The following SLC24A2 variants were observed in gnomAD, a reference collection of about 807,000 sequenced individuals.
SLC24A2 encodes solute carrier family 24 member 2.
A neutral mutation model predicts 62.0 loss-of-function variants in SLC24A2; 36 were observed. That is an observed-to-expected ratio of 0.58 (90% confidence interval 0.44 to 0.77). SLC24A2 has a LOEUF of 0.77. SLC24A2 is among the 30% of genes least tolerant of loss of function. The probability of loss-of-function intolerance (pLI) is 0.00; values close to 1 mark genes in which losing one functional copy is unlikely to be tolerated. For missense variants in SLC24A2, 846 were observed against 817.9 expected, an observed-to-expected ratio of 1.03 and a Z score of -0.42; for synonymous variants, 358 against 294.0, an observed-to-expected ratio of 1.22 and a Z score of -2.23.
chr9:19,861,736 T>C, the SLC24A2 span, among the ~76,000 whole-genome samples: 1 of 151,826 alleles, frequency 6.6e-6, no homozygotes, highest in African/African-American at 2.4e-5. Flanking sequence ...AACAAAGAAA[T>C]TGAAATAATT....
the SLC24A2 span, among the ~76,000 whole-genome samples, chr9:19,824,628 T>C: frequency 1.3e-5 from 2 of 152,178 alleles, no homozygotes; most frequent in Non-Finnish European, 2.9e-5. Flanking sequence ...CTCAAGGATC[T>C]GGAACTAGAA....
the SLC24A2 span, among the ~76,000 whole-genome samples, chr9:19,962,626 T>C: frequency 5.0e-3 from 757 of 152,330 alleles, 2 homozygotes; most frequent in Middle Eastern, 0.01. Context: ...TTTGAAGCAA[T>C]TGTGAATGGG....
chr9:20,064,000 C>T, the SLC24A2 span, among the ~76,000 whole-genome samples: 1 of 152,142 alleles, frequency 6.6e-6, no homozygotes, highest in Non-Finnish European at 1.5e-5. Flanking sequence ...GAAATAAAAA[C>T]ATATGCACAA....
the SLC24A2 span, among the ~76,000 whole-genome samples, chr9:20,159,791 C>T: frequency 1.2e-4 from 18 of 151,218 alleles, no homozygotes; most frequent in African/African-American, 4.1e-4. Flanking sequence ...ACAAATGTAA[C>T]AAAAATACAA....
chr9:19,663,403 G>C (rs911065695), intron 2 of SLC24A2, among the ~76,000 whole-genome samples: 12 of 152,178 alleles, frequency 7.9e-5, no homozygotes, highest in Admixed American at 1.3e-4. Context: ...TCATGGGAGA[G>C]AGCACAATGC....
chr9:19,997,341 T>C, the SLC24A2 span, among the ~76,000 whole-genome samples: 4,716 of 152,316 alleles, frequency 0.031, 251 homozygotes, highest in African/African-American at 0.11. Context: ...TTAAGCTTTA[T>C]GTCACCTCAA....
chr9:20,109,717 T>G, the SLC24A2 span, among the ~76,000 whole-genome samples: 2 of 152,176 alleles, frequency 1.3e-5, no homozygotes, highest in African/African-American at 2.4e-5. Flanking sequence ...TTGCTTTGGA[T>G]CCCTTCATGG....
At chr9:20,016,945 T>C in the SLC24A2 span, among the ~76,000 whole-genome samples, 7 of 152,250 alleles carry the variant, frequency 4.6e-5, no homozygotes, top group African/African-American at 1.7e-4. Flanking sequence ...ACAAACACTA[T>C]TTTAATTAAA....
intron 8 of SLC24A2, among the ~76,000 whole-genome samples, chr9:19,529,710 A>G (rs1586898636): frequency 1.3e-5 from 2 of 151,588 alleles, no homozygotes; most frequent in African/African-American, 2.4e-5. Context: ...TGGGGGAAAT[A>G]AAAAGGTAAT....
intron 2 of SLC24A2, among the ~76,000 whole-genome samples, chr9:19,723,333 C>T (rs1821081480): frequency 6.6e-6 from 1 of 151,782 alleles, no homozygotes; most frequent in Admixed American, 6.6e-5. Flanking sequence ...TTTCATATTT[C>T]TGCTAACAAT....
At chr9:20,113,082 T>G in the SLC24A2 span, among the ~76,000 whole-genome samples, 5 of 152,060 alleles carry the variant, frequency 3.3e-5, no homozygotes, top group African/African-American at 1.2e-4. Flanking sequence ...CTCAGAGTTT[T>G]GGGGCATAGA....
At chr9:19,818,858 A>C in the SLC24A2 span, among the ~76,000 whole-genome samples, 1 of 152,190 alleles carries the variant, frequency 6.6e-6, no homozygotes, top group South Asian at 2.1e-4. Context: ...TCTGAAATTC[A>C]TATGGGAACA....
chr9:20,169,206 G>A, the SLC24A2 span, among the ~76,000 whole-genome samples: 1 of 151,992 alleles, frequency 6.6e-6, no homozygotes, highest in Non-Finnish European at 1.5e-5. Flanking sequence ...AAGGAAGTTA[G>A]TGTTTAATGA....
At chr9:19,625,097 T>C (rs1355698638) in intron 2 of SLC24A2, among the ~76,000 whole-genome samples, 1 of 152,164 alleles carries the variant, frequency 6.6e-6, no homozygotes, top group East Asian at 1.9e-4. Context: ...TTCTAACCCA[T>C]GGGATATTAC....
At chr9:20,288,069 G>A in the SLC24A2 span, among the ~76,000 whole-genome samples, 16 of 152,050 alleles carry the variant, frequency 1.1e-4, no homozygotes, top group East Asian at 3.1e-3. Context: ...AAAATTTCCA[G>A]ACCATACGAT....
the SLC24A2 span, among the ~76,000 whole-genome samples, chr9:20,082,088 C>T: frequency 1.7e-4 from 26 of 152,226 alleles, no homozygotes; most frequent in African/African-American, 6.3e-4. Flanking sequence ...AATCTTATGC[C>T]AAATAAATTT....
the SLC24A2 span, among the ~76,000 whole-genome samples, chr9:19,900,219 T>C: frequency 2.1e-3 from 327 of 152,368 alleles, 1 homozygote; most frequent in African/African-American, 7.5e-3. Flanking sequence ...TATTTATTCA[T>C]TTAGCCAGTT....
the SLC24A2 span, among the ~76,000 whole-genome samples, chr9:20,232,162 T>A: frequency 6.6e-6 from 1 of 152,352 alleles, no homozygotes; most frequent in African/African-American, 2.4e-5. Context: ...GATTTTTGCA[T>A]CAATGTTCAT....
the SLC24A2 span, among the ~76,000 whole-genome samples, chr9:20,237,868 C>G: frequency 6.6e-6 from 1 of 152,118 alleles, no homozygotes; most frequent in African/African-American, 2.4e-5. Flanking sequence ...CCTCATTTCC[C>G]TAGTGTTGAG....
Sources: gnomAD v4.1 joint callset for allele counts (sites outside exome capture counted in the v4.1 genomes callset) on GRCh38, gnomAD v4.1.1 for gene constraint, MANE v1.5 for transcripts, NCBI Gene and HGNC (gene_info 2026-07-23, HGNC 2026-07-21) for gene names.